Variants in MOCOS observed in about 807,000 individuals in gnomAD.
The protein encoded by MOCOS is molybdenum cofactor sulfurase, also known as human molybdenum cofactor sulfurase.
MOCOS carries 86 observed loss-of-function variants against 83.6 expected under a neutral mutation model. The observed-to-expected ratio is 1.03, with a 90% CI of 0.86 to 1.23. The LOEUF is 1.23. MOCOS is among the 50% of genes most tolerant of loss of function. The pLI is 0.00. For synonymous variants in MOCOS, 445 were observed against 434.7 expected (o/e 1.02, Z -0.29); for missense variants, 1,120 against 1,126.9 (o/e 0.99, Z 0.09).
chr18:36,232,450 C>T (rs1235737042), intron 9 of MOCOS, among the ~76,000 whole-genome samples: 3 of 152,018 alleles, frequency 2.0e-5, no homozygotes, highest in Non-Finnish European at 2.9e-5. Flanking sequence ...AATTATATAG[C>T]ATATTCATCA....
rs12954304 is a variant in MOCOS at position 36,193,355 on chromosome 18, A to T, written c.143-1902A>T. On this transcript the variant is annotated intron_variant, in intron 1 of 14. Coordinates refer to ENST00000261326, the MANE Select transcript of MOCOS (RefSeq NM_017947.4). ...AAAAAAAAAAAAAAAAAAAAAAAAA[A>T]GTTACAGAATGAGGACAGTGTGATA... 8.2e-5 allele frequency among the ~76,000 whole-genome samples: 12 copies of T among 145,752 alleles called. No individual in the cohort carries two copies. The East Asian group carries it at 2.0e-3, about 24-fold the overall frequency.
At chr18:36,258,752 G>A (rs1448536367) in intron 12 of MOCOS, among the ~76,000 whole-genome samples, 2 of 152,272 alleles carry the variant, frequency 1.3e-5, no homozygotes, top group Admixed American at 1.3e-4. Flanking sequence ...AGATGTATAC[G>A]GCTATGCTCC....
chr18:36,199,917 G>T lies in MOCOS; in HGVS notation c.534G>T (p.Trp178Cys). The T allele has an allele frequency of 6.2e-7, 1 of 1,614,020 alleles. No individual in the cohort carries two copies. Among genetic ancestry groups the T allele is most frequent in the Non-Finnish European group, 8.5e-7 (1 of 1,179,932 alleles). The change falls in exon 4 of 15, where the codon TGG (tryptophan) becomes TGT (cysteine). Residue 178 changes from tryptophan to cysteine, a missense_variant. By Grantham distance (215) the Trp-to-Cys change is radical. Coordinates refer to ENST00000261326, the MANE Select transcript of MOCOS (RefSeq NM_017947.4). ...CCCCGGTCAGGCCAGAGGACCTGTG[G>T]TCTGCAGAGGAACGTAGTGCTTCAG... The part of the protein sequence containing the change: ...ISTPVRPEDL[W>C]SAEERSASAS...
chr18:36,255,962 G>A (rs942054783), intron 11 of MOCOS, among the ~76,000 whole-genome samples: 6 of 144,454 alleles, frequency 4.2e-5, no homozygotes, highest in Admixed American at 2.1e-4. Flanking sequence ...GTGTGATCTC[G>A]GCTCACTGCA....
rs754636835 is a variant in MOCOS at position 36,215,583 on chromosome 18, C to T, written c.1403C>T (p.Ser468Leu). Residue 468 changes from serine (S) to leucine (L), a missense_variant, in exon 8 of 15, where the codon TCA becomes TTA. By Grantham distance (145) the Ser-to-Leu change is moderately radical (BLOSUM62 -2). Transcript: ENST00000261326. The stretch of plus-strand genomic sequence containing the variant: ...CAGCCCACAGGATCTGTGAGGATTT[C>T]ATTTGGATACATGTCGACGCTGGAT... ...DGQPTGSVRI[S>L]FGYMSTLDDV... is the part of the protein sequence containing the mutation. 1 of 1,614,176 alleles carries T rather than the reference C, an allele frequency of 6.2e-7. No individual in the cohort carries two copies. Among genetic ancestry groups the T allele is most frequent in the African/African-American group, 1.3e-5 (1 of 75,040 alleles).
intron 9 of MOCOS, among the ~76,000 whole-genome samples, chr18:36,230,441 A>G (rs760566433): frequency 6.6e-6 from 1 of 152,202 alleles, no homozygotes; most frequent in Non-Finnish European, 1.5e-5. Context: ...GACTGGCCTC[A>G]TAAAAGAAGA....
intron 9 of MOCOS, among the ~76,000 whole-genome samples, chr18:36,223,406 A>C (rs1422833668): frequency 2.0e-5 from 3 of 152,122 alleles, no homozygotes; most frequent in African/African-American, 7.2e-5. Flanking sequence ...CCATATATGC[A>C]TGGATTTATA....
At chr18:36,234,737 T>C (rs906315624) in intron 9 of MOCOS, among the ~76,000 whole-genome samples, 1 of 152,180 alleles carries the variant, frequency 6.6e-6, no homozygotes, top group East Asian at 1.9e-4. Flanking sequence ...CTGGGTAATT[T>C]ATAAAGGAAA....
intron 6 of MOCOS, among the ~76,000 whole-genome samples, chr18:36,210,850 C>CAAAAAAAAAAAAAAA (rs60856965): frequency 0.012 from 568 of 48,036 alleles, 68 homozygotes; most frequent in Middle Eastern, 0.016. Context: ...GACTCTGTCT[C>CAAAAAAAAAAAAAAA]AAAAAAAAAA....
chr18:36,218,094 A>G (rs1489037330), intron 8 of MOCOS, among the ~76,000 whole-genome samples: 1 of 152,176 alleles, frequency 6.6e-6, no homozygotes, highest in Non-Finnish European at 1.5e-5. Context: ...ACCCAGAGAT[A>G]TGGTGGAAGG....
At position 36,271,318 on chromosome 18, in the gene MOCOS, G is replaced by A. The variant is rs905957444; in HGVS notation, c.*2633G>A. ...ATTTGTTGACAGACTATTTAAAGCT[G>A]CCCCTATTTTTATCATTAATTGATT... On this transcript the variant is annotated 3_prime_UTR_variant, in exon 15 of 15. Transcript: ENST00000261326. The A allele has an allele frequency of 2.0e-5, 3 of 151,840 alleles. No homozygotes were observed. Among genetic ancestry groups the A allele is most frequent in the Non-Finnish European group, 2.9e-5 (2 of 67,970 alleles). 9.4% of individuals were successfully genotyped at this position (151,840 alleles called of 1,614,324 possible).
intron 5 of MOCOS, among the ~76,000 whole-genome samples, chr18:36,203,725 C>A (rs1006959271): frequency 6.6e-6 from 1 of 152,216 alleles, no homozygotes; most frequent in Non-Finnish European, 1.5e-5. Flanking sequence ...TCTTTCCTGG[C>A]CATTGCTCTT....
chr18:36,242,709 T>G (rs918166345), intron 9 of MOCOS, among the ~76,000 whole-genome samples: 5 of 152,170 alleles, frequency 3.3e-5, no homozygotes, highest in Admixed American at 6.6e-5. Flanking sequence ...CAAGGACATT[T>G]TTCACATGGT....
At chr18:36,199,550 A>G in intron 3 of MOCOS, 133 bp from the exon 4 acceptor site, 2 of 1,422,296 alleles carry the variant, frequency 1.4e-6, no homozygotes, top group Non-Finnish European at 1.9e-6. Context: ...CCCTCGCCCT[A>G]ATTTCGCAGC....
intron 9 of MOCOS, among the ~76,000 whole-genome samples, chr18:36,227,479 T>A (rs1394738701): frequency 1.3e-5 from 2 of 151,836 alleles, no homozygotes; most frequent in Non-Finnish European, 2.9e-5. Flanking sequence ...CACTGCAACC[T>A]CTGCCTCCTG....
chr18:36,221,642 CTGTT>C (rs2091496393), intron 9 of MOCOS, among the ~76,000 whole-genome samples: 4 of 131,118 alleles, frequency 3.1e-5, no homozygotes, highest in Non-Finnish European at 6.6e-5. Flanking sequence ...CTGTTCTGTT[CTGTT>C]CTGTTCCCGT....
At chr18:36,263,761 T>C (rs1050377626) in intron 13 of MOCOS, among the ~76,000 whole-genome samples, 3 of 152,228 alleles carry the variant, frequency 2.0e-5, no homozygotes, top group Non-Finnish European at 4.4e-5. Flanking sequence ...GCTTCTGTAT[T>C]GTTTGACTTG....
chr18:36,263,780 T>C (rs532629585), intron 13 of MOCOS, among the ~76,000 whole-genome samples: 219 of 152,368 alleles, frequency 1.4e-3, no homozygotes, highest in South Asian at 6.2e-3. Flanking sequence ...TGTTTTTTAA[T>C]GAATATATAT....
chr18:36,216,212 T>A (rs1008800502), intron 8 of MOCOS, among the ~76,000 whole-genome samples: 34 of 152,320 alleles, frequency 2.2e-4, no homozygotes, highest in African/African-American at 7.7e-4. Context: ...CTCTTATTAA[T>A]TATAGCTGTA....
Sources: gnomAD v4.1 joint callset for allele counts (sites outside exome capture counted in the v4.1 genomes callset) on GRCh38, gnomAD v4.1.1 for gene constraint, MANE v1.5 for transcripts, NCBI Gene and HGNC (gene_info 2026-07-23, HGNC 2026-07-21) for gene names.